The following TMEFF1 variants were observed in gnomAD, a reference collection of about 807,000 sequenced individuals.
TMEFF1 encodes the protein transmembrane protein with EGF like and two follistatin like domains 1, also known as tomoregulin-1.
A neutral mutation model predicts 47.5 loss-of-function variants in TMEFF1; 20 were observed. That is an observed-to-expected ratio of 0.42 (90% CI 0.30 to 0.61). The LOEUF is 0.61. Among genes scored for constraint, TMEFF1 ranks in the 20% least tolerant of loss-of-function variants. The probability of loss-of-function intolerance (pLI) is 0.19; values close to 1 mark genes in which losing one functional copy is unlikely to be tolerated. For missense variants in TMEFF1, 411 were observed against 471.1 expected, an observed-to-expected ratio of 0.87 and a Z score of 1.18; for synonymous variants, 162 against 166.3, an observed-to-expected ratio of 0.97 and a Z score of 0.20.
intron 1 of TMEFF1, among the ~76,000 whole-genome samples, chr9:100,496,688 A>T (rs1218964363): frequency 2.6e-5 from 4 of 152,236 alleles, no homozygotes; most frequent in Non-Finnish European, 4.4e-5. Context: ...AATCCACTGT[A>T]CCTGTAAAGT....
At chr9:100,515,828 C>T (rs748027892) in intron 4 of TMEFF1, among the ~76,000 whole-genome samples, 26 of 152,044 alleles carry the variant, frequency 1.7e-4, no homozygotes, top group Non-Finnish European at 3.4e-4. Flanking sequence ...AAAAGACACT[C>T]CCTGAATAGT....
chr9:100,522,818 T>A (rs1211782113), intron 5 of TMEFF1, among the ~76,000 whole-genome samples: 3 of 152,124 alleles, frequency 2.0e-5, no homozygotes, highest in African/African-American at 4.8e-5. Flanking sequence ...CACTGCAAGC[T>A]CCGCCTCTGG....
intron 1 of TMEFF1, among the ~76,000 whole-genome samples, chr9:100,488,837 A>AT (rs914268734): frequency 6.6e-6 from 1 of 152,140 alleles, no homozygotes; most frequent in Non-Finnish European, 1.5e-5. Flanking sequence ...CCTGTTTTTA[A>AT]TTTTTTTATT....
chr9:100,553,429 G>T (rs1365271528), intron 7 of TMEFF1, among the ~76,000 whole-genome samples: 3 of 152,310 alleles, frequency 2.0e-5, no homozygotes, highest in Non-Finnish European at 4.4e-5. Context: ...GCTACAAAAT[G>T]AAAAGCAGGA....
chr9:100,556,842 G>A (rs1321307713), intron 7 of TMEFF1, among the ~76,000 whole-genome samples: 1 of 151,952 alleles, frequency 6.6e-6, no homozygotes, highest in African/African-American at 2.4e-5. Context: ...TTTGGATTAT[G>A]TACTAACCTT....
At chr9:100,493,055 G>C (rs1039407345) in intron 1 of TMEFF1, among the ~76,000 whole-genome samples, 6 of 152,078 alleles carry the variant, frequency 3.9e-5, no homozygotes, top group Non-Finnish European at 5.9e-5. Flanking sequence ...GTTTTCAACT[G>C]GGGACAGTTT....
chr9:100,479,587 T>C (rs1013681232), intron 1 of TMEFF1, among the ~76,000 whole-genome samples: 7 of 152,206 alleles, frequency 4.6e-5, no homozygotes, highest in African/African-American at 1.7e-4. Context: ...GATTTGCCTA[T>C]TCTAGATATG....
chr9:100,532,786 C>T (rs1838414736), intron 5 of TMEFF1, among the ~76,000 whole-genome samples: 1 of 152,050 alleles, frequency 6.6e-6, no homozygotes, highest in Non-Finnish European at 1.5e-5. Context: ...GACACATGCA[C>T]ACGTATGTTT....
At chr9:100,536,808 A>G (rs560105714) in intron 5 of TMEFF1, among the ~76,000 whole-genome samples, 10 of 152,350 alleles carry the variant, frequency 6.6e-5, no homozygotes, top group Admixed American at 2.0e-4. Context: ...AAGTCAGGTC[A>G]GATGATAGTT....
intron 2 of TMEFF1, among the ~76,000 whole-genome samples, chr9:100,503,098 T>A (rs571560807): frequency 1.3e-5 from 2 of 152,342 alleles, no homozygotes; most frequent in East Asian, 3.9e-4. Flanking sequence ...CATTAAACCC[T>A]TCTCTGCTGG....
At chr9:100,483,702 C>T (rs1012006254) in intron 1 of TMEFF1, among the ~76,000 whole-genome samples, 10 of 152,078 alleles carry the variant, frequency 6.6e-5, no homozygotes, top group Admixed American at 3.3e-4. Flanking sequence ...ATAGTACACC[C>T]AGATTCCCCA....
At chr9:100,543,968 A>T (rs78213907) in intron 5 of TMEFF1, among the ~76,000 whole-genome samples, 10,601 of 152,106 alleles carry the variant, frequency 0.07, 719 homozygotes, top group Admixed American at 0.22. Context: ...GTGGCTTTGA[A>T]TTCTCAGGGG....
At chr9:100,531,914 C>G (rs1200758677) in intron 5 of TMEFF1, among the ~76,000 whole-genome samples, 1 of 150,280 alleles carries the variant, frequency 6.7e-6, no homozygotes, top group African/African-American at 2.4e-5. Flanking sequence ...TGGAACAGAA[C>G]AGAGCCCTCA....
intron 5 of TMEFF1, among the ~76,000 whole-genome samples, chr9:100,521,125 G>A (rs1246194708): frequency 6.6e-6 from 1 of 152,182 alleles, no homozygotes; most frequent in Non-Finnish European, 1.5e-5. Context: ...AGTTCTAAAT[G>A]TAAAATAAGA....
In TMEFF1 at chr9:100,513,393, CTTTTTTTTTTT is replaced by C. The variant is rs376847862; in HGVS notation, c.463+67_463+77del. On this transcript the variant is annotated intron_variant, in intron 4 of 9. Coordinates refer to ENST00000374879, the MANE Select transcript of TMEFF1 (RefSeq NM_003692.5). ...TTTCTTTCTTTCTTTCTTTCTTTTT[CTTTTTTTTTTT>C]TTTTTTAAATCAGCTTTGAGATATA... The C allele has an allele frequency of 4.9e-6, 6 of 1,234,152 alleles. No individual in the cohort carries two copies. The African/African-American group carries it at 6.7e-5, about 14-fold the overall frequency. The allele number at this position is 1,234,152 out of a possible 1,614,324, so 76.5% of individuals were successfully genotyped here. A position where few individuals can be genotyped will look rare whatever the true frequency, so the allele number is the denominator to read the frequency against.
chr9:100,505,099 T>A (rs180706652), intron 2 of TMEFF1, among the ~76,000 whole-genome samples: 87 of 152,082 alleles, frequency 5.7e-4, no homozygotes, highest in Non-Finnish European at 1.0e-3. Flanking sequence ...TGTCTGCTTA[T>A]GATAAATGTT....
intron 4 of TMEFF1, among the ~76,000 whole-genome samples, chr9:100,514,460 A>G (rs1055155363): frequency 6.6e-6 from 1 of 152,152 alleles, no homozygotes; most frequent in Non-Finnish European, 1.5e-5. Flanking sequence ...GCGATCATGT[A>G]GTCTAGCCCC....
Position 100,550,261 on chromosome 9 carries a change from G to T in TMEFF1, c.775+101G>T, listed in dbSNP as rs568172132. ...CCATTATAACAACACCTCTAACTTTGCTCTCTATAGTAATATACCTAACAC... is the reference window on the plus strand; with the variant it reads ...CCATTATAACAACACCTCTAACTTTTCTCTCTATAGTAATATACCTAACAC... On this transcript the variant is annotated intron_variant, in intron 7 of 9. Transcript: ENST00000374879. 3.4e-5 allele frequency: 40 copies of T among 1,169,202 alleles called. No individual in the cohort carries two copies. In the East Asian group the frequency reaches 1.0e-3, roughly 29 times the overall value. The allele number at this position is 1,169,202 out of a possible 1,614,324, so 72.4% of individuals were successfully genotyped here. A position where few individuals can be genotyped will look rare whatever the true frequency, so the allele number is the denominator to read the frequency against.
chr9:100,481,046 C>G (rs1270607320), intron 1 of TMEFF1, among the ~76,000 whole-genome samples: 6 of 152,110 alleles, frequency 3.9e-5, no homozygotes, highest in Non-Finnish European at 8.8e-5. Flanking sequence ...TGTTGATGTT[C>G]CTTTGGCTTG....
Sources: gnomAD v4.1 joint callset for allele counts (sites outside exome capture counted in the v4.1 genomes callset) on GRCh38, gnomAD v4.1.1 for gene constraint, MANE v1.5 for transcripts, NCBI Gene and HGNC (gene_info 2026-07-23, HGNC 2026-07-21) for gene names.